PDZD2: variants seen among roughly 807,000 people sequenced by gnomAD.
PDZD2 encodes the protein PDZ domain containing 2.
PDZD2 carries 90 observed loss-of-function variants against 220.7 expected under a neutral mutation model. The observed-to-expected ratio is 0.41, with a 90% CI of 0.34 to 0.49. The LOEUF is 0.49. Among genes scored for constraint, PDZD2 ranks in the 20% least tolerant of loss-of-function variants. The probability of loss-of-function intolerance (pLI) is 0.28; values close to 1 mark genes in which losing one functional copy is unlikely to be tolerated. For missense variants in PDZD2, 3,174 were observed against 3,608.5 expected (o/e 0.88, Z 3.08); for synonymous variants, 1,375 against 1,450.5 (o/e 0.95, Z 1.18).
At chr5:31,731,679 C>T (rs1278218276) in intron 1 of PDZD2, among the ~76,000 whole-genome samples, 1 of 152,192 alleles carries the variant, frequency 6.6e-6, no homozygotes, top group Non-Finnish European at 1.5e-5. Context: ...TCCCAACCTT[C>T]ATTTCTTTAT....
intron 2 of PDZD2, among the ~76,000 whole-genome samples, chr5:31,820,052 G>C (rs1371536725): frequency 6.6e-6 from 1 of 152,232 alleles, no homozygotes; most frequent in East Asian, 1.9e-4. Context: ...GAGAATACCA[G>C]GGATAGCTCC....
rs1400724600 is a variant in PDZD2 at position 31,639,544 on chromosome 5, C to G, written c.-361+107C>G. Reference sequence around the variant, plus strand: ...GTGTGTGCCCAGGAAAGTTTAGCTACAAATCCGGGTGCGGGAATCCCAGCC... The same window carrying G: ...GTGTGTGCCCAGGAAAGTTTAGCTAGAAATCCGGGTGCGGGAATCCCAGCC... On this transcript the variant is annotated intron_variant, in intron 1 of 24. Transcript: ENST00000438447. This position sits in a 1 kb window ranked among gnomAD's most constrained non-coding sequence, Gnocchi z 4.1. 1 of 152,032 alleles carries G rather than the reference C, an allele frequency of 6.6e-6. No individual in the cohort carries two copies. The highest frequency in any genetic ancestry group is 1.5e-5 in the Non-Finnish European group (1 of 67,966). The allele number at this position is 152,032 out of a possible 1,614,324, so 9.4% of individuals were successfully genotyped here.
chr5:32,064,875 C>T (rs573840018), intron 14 of PDZD2, among the ~76,000 whole-genome samples: 8 of 152,066 alleles, frequency 5.3e-5, no homozygotes, highest in Admixed American at 2.6e-4. Flanking sequence ...GGCTGTGGCA[C>T]GAGAATCACT....
rs55836033 is a variant in PDZD2, at chr5:31,849,911, T to C, written c.476+50187T>C. ...ATACACATATATATATATACATATA[T>C]ATATATACATATATATATATACACA... On this transcript the variant is annotated intron_variant, in intron 2 of 24. Coordinates refer to ENST00000438447, the MANE Select transcript of PDZD2 (RefSeq NM_178140.4). Among the ~76,000 whole-genome samples, 64 of 19,928 alleles carry C rather than the reference T, an allele frequency of 3.2e-3. 12 individuals are homozygous for C. The highest frequency in any genetic ancestry group is 9.5e-3 in the African/African-American group (33 of 3,490). The allele number at this position is 19,928 out of a possible 152,430, so 13.1% of individuals were successfully genotyped here. A position where few individuals can be genotyped will look rare whatever the true frequency, so the allele number is the denominator to read the frequency against.
intron 23 of PDZD2, chr5:32,099,179 C>G (rs1003521054): frequency 6.5e-6 from 1 of 153,572 alleles, no homozygotes; most frequent in Non-Finnish European, 1.4e-5. Context: ...CGTCCATATT[C>G]AGAGCCTCAG....
chr5:31,860,478 T>C (rs1737591872), intron 2 of PDZD2, among the ~76,000 whole-genome samples: 1 of 152,186 alleles, frequency 6.6e-6, no homozygotes, highest in Non-Finnish European at 1.5e-5. Context: ...CTCTGTATCT[T>C]TGAGAGGCTA....
intron 2 of PDZD2, among the ~76,000 whole-genome samples, chr5:31,801,702 G>T (rs1754397192): frequency 6.6e-6 from 1 of 152,074 alleles, no homozygotes; most frequent in Non-Finnish European, 1.5e-5. Flanking sequence ...AGCCTCAGAT[G>T]CCCCATGTGT....
At chr5:31,674,207 A>G (rs1464243453) in intron 1 of PDZD2, among the ~76,000 whole-genome samples, 1 of 152,242 alleles carries the variant, frequency 6.6e-6, no homozygotes, top group Non-Finnish European at 1.5e-5. Flanking sequence ...GGCTTAGACC[A>G]ACAGGCTTCA....
chr5:31,662,909 T>C (rs142946329), intron 1 of PDZD2, among the ~76,000 whole-genome samples: 2,931 of 152,310 alleles, frequency 0.019, 52 homozygotes, highest in Non-Finnish European at 0.025. Flanking sequence ...GGATTACAGG[T>C]GTGAGCCACC....
chr5:31,920,567 A>C (rs4340934), intron 2 of PDZD2, among the ~76,000 whole-genome samples: 1 of 151,378 alleles, frequency 6.6e-6, no homozygotes, highest in Non-Finnish European at 1.5e-5. Context: ...GGCTATAGGG[A>C]AGACTGAGAC....
rs571609131 is a variant in PDZD2, at chr5:31,913,560, A to G, written c.477-69595A>G. Among the ~76,000 whole-genome samples, 3 of 152,260 alleles carry G rather than the reference A, an allele frequency of 2.0e-5. No individual in the cohort carries two copies. The South Asian group carries it at 6.2e-4, about 32-fold the overall frequency. On this transcript the variant is annotated intron_variant, in intron 2 of 24. Transcript: ENST00000438447. Reference sequence around the variant, plus strand: ...GTCTGATTCATACTATTATAATGTTAACTTCTGGGCATTTCTAGAAGCCAT... The same window carrying G: ...GTCTGATTCATACTATTATAATGTTGACTTCTGGGCATTTCTAGAAGCCAT...
chr5:31,881,381 T>A (rs1349342527), intron 2 of PDZD2, among the ~76,000 whole-genome samples: 1 of 150,686 alleles, frequency 6.6e-6, no homozygotes, highest in African/African-American at 2.4e-5. Flanking sequence ...TATATTTTTT[T>A]TTTTTTTGAG....
Position 32,098,581 on chromosome 5 carries a change from C to T in PDZD2, c.8165C>T (p.Ala2722Val), listed in dbSNP as rs768997281. ...TCTGCCCGGCAGGAGCCTCCCACAG[C>T]CAATGGGAAGGGTTTGCTGTCCAGA... ...RPSARQEPPT[A>V]NGKGLLSRKT... Residue 2722 changes from alanine (A) to valine (V), a missense_variant, in exon 23 of 25, where the codon GCC becomes GTC. Physicochemically the swap from Ala to Val is moderately conservative, Grantham distance 64. This residue lies in a region of PDZD2 where 631 missense variants were observed against 789.9 expected (regional missense o/e 0.80). Coordinates refer to ENST00000438447, the MANE Select transcript of PDZD2 (RefSeq NM_178140.4). This position sits in a 1 kb window ranked among gnomAD's most constrained non-coding sequence, Gnocchi z 4.1. 3.7e-6 allele frequency: 6 copies of T among 1,613,950 alleles called. No homozygotes were observed. The highest frequency in any genetic ancestry group is 1.7e-6 in the Non-Finnish European group (2 of 1,179,950).
At chr5:32,052,910 A>G (rs1476496641) in intron 9 of PDZD2, among the ~76,000 whole-genome samples, 180 bp downstream of exon 9, 1 of 152,194 alleles carries the variant, frequency 6.6e-6, no homozygotes, top group African/African-American at 2.4e-5. Flanking sequence ...TCCTGGGCTC[A>G]AGCAGTGCTC....
rs1744874194 is a variant in PDZD2, at chr5:31,639,808, C to T, written c.-361+371C>T. 6.6e-6 allele frequency among the ~76,000 whole-genome samples: 1 copy of T among 152,208 alleles called. No homozygotes were observed. Among genetic ancestry groups the T allele is most frequent in the Admixed American group, 6.5e-5 (1 of 15,286 alleles). On this transcript the variant is annotated intron_variant, in intron 1 of 24. Transcript: ENST00000438447. This position sits in a 1 kb window ranked among gnomAD's most constrained non-coding sequence, Gnocchi z 4.1. ...CCCTGGGCCGTCTTCTGGTCCCTTC[C>T]TCCGACAGGAGTGGAGGTACTCAGG...
chr5:32,041,146 C>T lies in PDZD2; in HGVS notation c.1519+3804C>T, dbSNP rs76656573. Among the ~76,000 whole-genome samples, 47 of 144,624 alleles carry T rather than the reference C, an allele frequency of 3.2e-4. 2 individuals are homozygous for T. Among genetic ancestry groups the T allele is most frequent in the African/African-American group, 1.2e-3 (46 of 38,350 alleles). The allele number at this position is 144,624 out of a possible 152,430, so 94.9% of individuals were successfully genotyped here. On this transcript the variant is annotated intron_variant, in intron 7 of 24. Coordinates refer to ENST00000438447, the MANE Select transcript of PDZD2 (RefSeq NM_178140.4). The stretch of plus-strand genomic sequence containing the variant: ...GCCGCCCCGTCTGGGAAGTGGGGAG[C>T]GCCTCTGCCCGGCCGCCCCGTCTGG...
chr5:31,674,519 C>T (rs1030566536), intron 1 of PDZD2, among the ~76,000 whole-genome samples: 1 of 152,064 alleles, frequency 6.6e-6, no homozygotes, highest in African/African-American at 2.4e-5. Flanking sequence ...CCTGTGAAAG[C>T]CAGATGTCTA....
chr5:31,989,419 TTC>T (rs1157855178), intron 3 of PDZD2, among the ~76,000 whole-genome samples: 2 of 145,076 alleles, frequency 1.4e-5, no homozygotes, highest in Non-Finnish European at 3.0e-5. Context: ...ACATTTTCTT[TTC>T]TTTTTTTTTT....
rs758251821 is a variant in PDZD2 at position 32,057,996 on chromosome 5, G to T, written c.2093G>T (p.Ser698Ile). The T allele has an allele frequency of 9.3e-6, 15 of 1,613,238 alleles. No individual in the cohort carries two copies. Among genetic ancestry groups the T allele is most frequent in the Non-Finnish European group, 1.3e-5 (15 of 1,179,276 alleles). ...SRSASPNFNTSGGASAGGSDE... is the reference protein window; with the variant it reads ...SRSASPNFNTIGGASAGGSDE... Reference sequence around the variant, plus strand: ...TCCGCCTCCCCGAACTTCAATACCAGTGGGGGAGCCTCAGCGGGAGGTTCC... The same window carrying T: ...TCCGCCTCCCCGAACTTCAATACCATTGGGGGAGCCTCAGCGGGAGGTTCC... Residue 698 changes from serine (S) to isoleucine (I), a missense_variant, in exon 12 of 25, where the codon AGT becomes ATT. Physicochemically the swap from Ser to Ile is moderately radical, Grantham distance 142. Transcript: ENST00000438447.
Sources: allele counts gnomAD v4.1 joint callset (sites outside exome capture counted in the v4.1 genomes callset), GRCh38; gene constraint gnomAD v4.1.1; regional missense constraint gnomAD v4.1.1; non-coding constraint Gnocchi (gnomAD v3.1); transcripts MANE v1.5; gene names NCBI Gene and HGNC (gene_info 2026-07-23, HGNC 2026-07-21).